NCAM1: variants seen among roughly 807,000 people sequenced by gnomAD.
NCAM1 encodes neural cell adhesion molecule 1, also known as antigen recognized by monoclonal antibody 5.1H11.
A neutral mutation model predicts 109.8 loss-of-function variants in NCAM1; 14 were observed. The observed-to-expected ratio is 0.13, with a 90% confidence interval of 0.08 to 0.20. NCAM1 has a LOEUF of 0.20. NCAM1 is among the 10% of genes least tolerant of loss of function. NCAM1 has a pLI of 1.00. For synonymous variants in NCAM1, 418 were observed against 442.9 expected (o/e 0.94, Z 0.70); for missense variants, 774 against 1,109.9 (o/e 0.70, Z 4.30).
chr11:113,099,264 T>C lies in NCAM1; in HGVS notation c.53-103115T>C, dbSNP rs559528075. Among the ~76,000 whole-genome samples, 8 of 152,296 alleles carry C rather than the reference T, an allele frequency of 5.3e-5. No individual in the cohort carries two copies. The South Asian group carries it at 6.2e-4, about 12-fold the overall frequency. ...TCATGCATTATCCATCAAGATGGGA[T>C]AGATAAGACCTTAGAGAAATCAGAG... On this transcript the variant is annotated intron_variant, in intron 1 of 19. Coordinates refer to ENST00000316851, the MANE Select transcript of NCAM1 (RefSeq NM_181351.5).
At chr11:113,087,043 C>T (rs988714724) in intron 1 of NCAM1, among the ~76,000 whole-genome samples, 2 of 152,122 alleles carry the variant, frequency 1.3e-5, no homozygotes, top group Non-Finnish European at 2.9e-5. Flanking sequence ...ATATATTTTT[C>T]GACTGAGGCT....
intron 1 of NCAM1, among the ~76,000 whole-genome samples, chr11:113,168,692 T>G (rs1330927864): frequency 6.6e-6 from 1 of 152,248 alleles, no homozygotes; most frequent in Non-Finnish European, 1.5e-5. Flanking sequence ...GAAGAAATTC[T>G]GTTTCTTACC....
chr11:112,998,249 A>G (rs1951651386), intron 1 of NCAM1, among the ~76,000 whole-genome samples: 1 of 152,160 alleles, frequency 6.6e-6, no homozygotes. Context: ...GAAATTGCAG[A>G]GTAATTTCTA....
At chr11:113,187,308 A>G (rs1943535742) in intron 1 of NCAM1, among the ~76,000 whole-genome samples, 1 of 152,166 alleles carries the variant, frequency 6.6e-6, no homozygotes, top group Non-Finnish European at 1.5e-5. Flanking sequence ...AATTGAATTC[A>G]TTTTGGGCAT....
chr11:112,994,134 T>G (rs1555070999), intron 1 of NCAM1, among the ~76,000 whole-genome samples: 1 of 152,214 alleles, frequency 6.6e-6, no homozygotes, highest in Non-Finnish European at 1.5e-5. Context: ...AAAGGAAGAG[T>G]GAATGAAAGG....
intron 1 of NCAM1, among the ~76,000 whole-genome samples, chr11:113,026,709 G>T (rs1164029288): frequency 6.6e-6 from 1 of 152,148 alleles, no homozygotes; most frequent in Non-Finnish European, 1.5e-5. Context: ...TATCATCTTG[G>T]AGTCTGTGTC....
At chr11:113,002,858 T>C (rs782086347) in intron 1 of NCAM1, among the ~76,000 whole-genome samples, 6 of 152,256 alleles carry the variant, frequency 3.9e-5, no homozygotes, top group Non-Finnish European at 7.3e-5. Flanking sequence ...TGCTTTATGA[T>C]ATTTACATAC....
At chr11:112,974,921 T>C (rs1591203923) in intron 1 of NCAM1, among the ~76,000 whole-genome samples, 2 of 151,946 alleles carry the variant, frequency 1.3e-5, no homozygotes, top group Admixed American at 1.3e-4. Flanking sequence ...TGATGACCTA[T>C]CTCCTTCAGG....
At chr11:113,126,574 A>G (rs781903900) in intron 1 of NCAM1, among the ~76,000 whole-genome samples, 2 of 152,180 alleles carry the variant, frequency 1.3e-5, no homozygotes, top group Non-Finnish European at 2.9e-5. Context: ...GATCTATTAT[A>G]TCATTACAGT....
intron 9 of NCAM1, among the ~76,000 whole-genome samples, chr11:113,227,207 A>G (rs1270588574): frequency 1.1e-4 from 17 of 152,098 alleles, no homozygotes; most frequent in Admixed American, 1.1e-3. Flanking sequence ...AGAAGAAAAG[A>G]GAGAAGAATC....
chr11:113,208,910 G>A (rs1044431088), intron 7 of NCAM1, among the ~76,000 whole-genome samples: 7 of 152,134 alleles, frequency 4.6e-5, no homozygotes, highest in African/African-American at 1.7e-4. Flanking sequence ...TGCCTTGTTT[G>A]CCTCCTTCCC....
intron 1 of NCAM1, among the ~76,000 whole-genome samples, chr11:113,111,631 CA>C (rs1243329240): frequency 2.6e-5 from 4 of 152,040 alleles, no homozygotes; most frequent in African/African-American, 9.7e-5. Flanking sequence ...GGATTGTATA[CA>C]AAATAGGGAA....
chr11:113,095,332 A>ATGTGTG (rs1565433006), intron 1 of NCAM1, among the ~76,000 whole-genome samples: 2,984 of 151,970 alleles, frequency 0.02, 94 homozygotes, highest in African/African-American at 0.068. Flanking sequence ...GTGTGTGTGT[A>ATGTGTG]TATGTATGTG....
intron 14 of NCAM1, among the ~76,000 whole-genome samples, chr11:113,236,696 A>G (rs1393412005): frequency 6.6e-6 from 1 of 152,252 alleles, no homozygotes; most frequent in Non-Finnish European, 1.5e-5. Context: ...ATGCCGGGAA[A>G]GTGACCACAG....
chr11:113,108,497 A>G (rs1373613574), intron 1 of NCAM1, among the ~76,000 whole-genome samples: 3 of 152,154 alleles, frequency 2.0e-5, no homozygotes, highest in African/African-American at 7.2e-5. Context: ...TTTCTTGACT[A>G]ATCTCTTATG....
At chr11:113,134,282 T>C (rs1230268799) in intron 1 of NCAM1, among the ~76,000 whole-genome samples, 1 of 152,250 alleles carries the variant, frequency 6.6e-6, no homozygotes, top group Non-Finnish European at 1.5e-5. Flanking sequence ...AATAGCCTCA[T>C]GGCTCATCCA....
At chr11:113,255,596 GGA>G (rs1945811948) in intron 15 of NCAM1, among the ~76,000 whole-genome samples, 2 of 46,514 alleles carry the variant, frequency 4.3e-5, no homozygotes, top group Non-Finnish European at 8.6e-5. Context: ...GTGAGACAGG[GGA>G]AAAAAAAAAA....
chr11:112,969,058 G>A (rs1950803712), intron 1 of NCAM1, among the ~76,000 whole-genome samples: 1 of 152,278 alleles, frequency 6.6e-6, no homozygotes, highest in African/African-American at 2.4e-5. Context: ...ATGCTGTTGG[G>A]CCACAAGAAA....
chr11:113,216,146 ATTTTTTTTT>A (rs34687568), intron 8 of NCAM1, among the ~76,000 whole-genome samples: 1 of 101,506 alleles, frequency 9.9e-6, no homozygotes, highest in Non-Finnish European at 1.9e-5. Context: ...CTATGATTTC[ATTTTTTTTT>A]TTTTTTTTTT....
Sources: gnomAD v4.1 joint callset for allele counts (sites outside exome capture counted in the v4.1 genomes callset) on GRCh38, gnomAD v4.1.1 for gene constraint, MANE v1.5 for transcripts, NCBI Gene and HGNC (gene_info 2026-07-23, HGNC 2026-07-21) for gene names.